LHFPL3: variants seen among roughly 807,000 people sequenced by gnomAD.
LHFPL3 encodes LHFPL tetraspan subfamily member 3.
In LHFPL3, 5 loss-of-function variants were observed where a neutral mutation model predicts 19.3. That is an observed-to-expected ratio of 0.26 (90% CI 0.14 to 0.54). The LOEUF is 0.54. LHFPL3 is among the 20% of genes least tolerant of loss of function. The pLI, the probability that LHFPL3 is intolerant of heterozygous loss-of-function variation, is 0.94. For missense variants in LHFPL3, 249 were observed against 307.4 expected (o/e 0.81, Z 1.42); for synonymous variants, 133 against 126.2 (o/e 1.05, Z -0.36).
chr7:104,450,416 C>T (rs905615503), intron 1 of LHFPL3, among the ~76,000 whole-genome samples: 4 of 152,106 alleles, frequency 2.6e-5, no homozygotes, highest in Non-Finnish European at 5.9e-5. Flanking sequence ...TTTCTTTGTT[C>T]AGTGCAGGGA....
At chr7:104,430,383 C>T (rs6963044) in intron 1 of LHFPL3, among the ~76,000 whole-genome samples, 6,616 of 39,008 alleles carry the variant, frequency 0.17, 971 homozygotes, top group African/African-American at 0.22. Context: ...TATATATATA[C>T]ATATATATAT....
chr7:104,655,945 T>A (rs17139736), intron 1 of LHFPL3, among the ~76,000 whole-genome samples: 6,669 of 152,258 alleles, frequency 0.044, 190 homozygotes, highest in East Asian at 0.12. Flanking sequence ...CTAGGTAATA[T>A]AAGAATAGAA....
At chr7:104,347,096 G>T (rs57841370) in intron 1 of LHFPL3, among the ~76,000 whole-genome samples, 3,163 of 151,884 alleles carry the variant, frequency 0.021, 127 homozygotes, top group African/African-American at 0.073. Context: ...CTGGTACACA[G>T]AAAACATTGA....
At chr7:104,829,766 T>C (rs575874453) in intron 2 of LHFPL3, among the ~76,000 whole-genome samples, 78 of 152,146 alleles carry the variant, frequency 5.1e-4, no homozygotes, top group Non-Finnish European at 1.0e-3. Flanking sequence ...GTCTTTGCTA[T>C]TGTGAATAGT....
At chr7:104,567,051 G>T (rs1316980676) in intron 1 of LHFPL3, among the ~76,000 whole-genome samples, 2 of 152,110 alleles carry the variant, frequency 1.3e-5, no homozygotes, top group African/African-American at 4.8e-5. Flanking sequence ...CTTCTTCCAG[G>T]ACAGCTATAT....
chr7:104,459,435 A>G (rs1026209903), intron 1 of LHFPL3, among the ~76,000 whole-genome samples: 2 of 152,232 alleles, frequency 1.3e-5, no homozygotes, highest in East Asian at 1.9e-4. Context: ...TCAAGATAAT[A>G]AGATACATTG....
At chr7:104,593,181 T>C (rs927598923) in intron 1 of LHFPL3, among the ~76,000 whole-genome samples, 8 of 152,200 alleles carry the variant, frequency 5.3e-5, no homozygotes, top group Non-Finnish European at 1.2e-4. Context: ...CATTTAGTGC[T>C]ATAAATTTCC....
At chr7:104,667,715 A>T in intron 1 of LHFPL3, 1 of 1,458,730 alleles carries the variant, frequency 6.9e-7, no homozygotes, top group Non-Finnish European at 9.4e-7. Flanking sequence ...GGAGTACTTA[A>T]AGAAATACAA....
chr7:104,452,792 A>C (rs1489286623), intron 1 of LHFPL3, among the ~76,000 whole-genome samples: 1 of 152,196 alleles, frequency 6.6e-6, no homozygotes, highest in Non-Finnish European at 1.5e-5. Flanking sequence ...ATGTGAACAA[A>C]AGTTTAAGTT....
chr7:104,685,971 C>A (rs1792797128), intron 1 of LHFPL3, among the ~76,000 whole-genome samples: 1 of 152,206 alleles, frequency 6.6e-6, no homozygotes, highest in Non-Finnish European at 1.5e-5. Flanking sequence ...GGTAGAAATA[C>A]CATTGAAGTA....
chr7:104,847,684 G>T (rs1336933802), intron 2 of LHFPL3, among the ~76,000 whole-genome samples: 2 of 152,288 alleles, frequency 1.3e-5, no homozygotes, highest in Admixed American at 1.3e-4. Context: ...CTAATGTTTT[G>T]TATTTTTAAT....
At chr7:104,366,708 TCTC>T (rs1383115145) in intron 1 of LHFPL3, among the ~76,000 whole-genome samples, 1 of 152,282 alleles carries the variant, frequency 6.6e-6, no homozygotes, top group South Asian at 2.1e-4. Flanking sequence ...AAAATTATAT[TCTC>T]CTGCTTGCCA....
intron 1 of LHFPL3, among the ~76,000 whole-genome samples, chr7:104,341,238 T>A (rs1789943584): frequency 6.6e-6 from 1 of 152,250 alleles, no homozygotes; most frequent in Admixed American, 6.5e-5. Flanking sequence ...AGATTTATGC[T>A]CAAATGAAGG....
intron 1 of LHFPL3, among the ~76,000 whole-genome samples, chr7:104,717,266 C>G (rs1793404799): frequency 6.6e-6 from 1 of 152,086 alleles, no homozygotes; most frequent in South Asian, 2.1e-4. Flanking sequence ...ATGAATATGA[C>G]ACCAAAAGCA....
chr7:104,829,325 CT>C lies in LHFPL3; in HGVS notation c.683-76852del, dbSNP rs199814222. On this transcript the variant is annotated intron_variant, in intron 2 of 2. Coordinates refer to ENST00000424859, the MANE Select transcript of LHFPL3 (RefSeq NM_199000.3). ...TGGAGAGTGATAGATGTCATAGCTG[CT>C]TTTTTTTTTAATTATTATTATACTT... is the stretch of plus-strand genomic sequence containing the variant. 2.0e-3 allele frequency among the ~76,000 whole-genome samples: 290 copies of C among 148,346 alleles called. 8 individuals carry two copies. The highest frequency in any genetic ancestry group is 6.5e-3 in the African/African-American group (261 of 40,174).
At chr7:104,332,810 C>T (rs1429192763) in intron 1 of LHFPL3, among the ~76,000 whole-genome samples, 1 of 152,012 alleles carries the variant, frequency 6.6e-6, no homozygotes, top group Non-Finnish European at 1.5e-5. Flanking sequence ...ATATATCATA[C>T]TATCTTTGGA....
intron 1 of LHFPL3, among the ~76,000 whole-genome samples, chr7:104,503,768 C>A (rs1793646586): frequency 6.6e-6 from 1 of 151,996 alleles, no homozygotes; most frequent in Non-Finnish European, 1.5e-5. Flanking sequence ...TGGGGTTTTG[C>A]CAGATTGCCT....
At chr7:104,557,446 T>A (rs1184857021) in intron 1 of LHFPL3, among the ~76,000 whole-genome samples, 1 of 152,128 alleles carries the variant, frequency 6.6e-6, no homozygotes, top group African/African-American at 2.4e-5. Flanking sequence ...CTTGTGGGAC[T>A]CATTCACTAT....
chr7:104,446,656 A>G (rs184611673), intron 1 of LHFPL3, among the ~76,000 whole-genome samples: 8 of 152,168 alleles, frequency 5.3e-5, no homozygotes, highest in South Asian at 2.1e-4. Context: ...GCTCACTGCA[A>G]CCTCTACCTC....
Sources: gnomAD v4.1 joint callset for allele counts (sites outside exome capture counted in the v4.1 genomes callset) on GRCh38, gnomAD v4.1.1 for gene constraint, MANE v1.5 for transcripts, NCBI Gene and HGNC (gene_info 2026-07-23, HGNC 2026-07-21) for gene names.